RGS7: variants seen among roughly 807,000 people sequenced by gnomAD.
The protein encoded by RGS7 is regulator of G protein signaling 7, also known as regulator of G-protein signaling 7.
In RGS7, 27 loss-of-function variants were observed where a neutral mutation model predicts 81.1. The observed-to-expected ratio is 0.33, with a 90% CI of 0.25 to 0.46. The LOEUF is 0.46. Among genes scored for constraint, RGS7 ranks in the 20% least tolerant of loss-of-function variants. The pLI, the probability that RGS7 is intolerant of heterozygous loss-of-function variation, is 1.00. For synonymous variants in RGS7, 208 were observed against 207.7 expected (o/e 1.00, Z -0.01); for missense variants, 396 against 607.4 (o/e 0.65, Z 3.66).
At chr1:240,834,735 T>A (rs919495398) in intron 9 of RGS7, among the ~76,000 whole-genome samples, 1 of 152,016 alleles carries the variant, frequency 6.6e-6, no homozygotes, top group Non-Finnish European at 1.5e-5. Flanking sequence ...ATGGTCTCCA[T>A]CTCCTGACCT....
At chr1:241,039,480 T>C (rs140815341) in intron 3 of RGS7, among the ~76,000 whole-genome samples, 9 of 152,198 alleles carry the variant, frequency 5.9e-5, no homozygotes, top group African/African-American at 2.2e-4. Flanking sequence ...GTGTGTTCTA[T>C]GTGTGAGAAG....
At position 241,267,602 on chromosome 1, in the gene RGS7, C is replaced by T. The variant is rs183765039; in HGVS notation, c.78+88097G>A. ...CTCCCCCTTATTATCTCTCTCTATA[C>T]GTAGAACTTCCAGTGATCACATGCT... On this transcript the variant is annotated intron_variant, in intron 2 of 18. Transcript: ENST00000440928. 1.2e-3 allele frequency among the ~76,000 whole-genome samples: 183 copies of T among 152,228 alleles called. 1 individual carries two copies. Among genetic ancestry groups the T allele is most frequent in the Middle Eastern group, 3.4e-3 (1 of 294 alleles).
chr1:241,034,968 G>T (rs596695), intron 3 of RGS7, among the ~76,000 whole-genome samples: 1 of 151,938 alleles, frequency 6.6e-6, no homozygotes, highest in Non-Finnish European at 1.5e-5. Context: ...ACTTCTTCTC[G>T]TATTTAAGAT....
chr1:240,991,443 C>T (rs948503388), intron 3 of RGS7, among the ~76,000 whole-genome samples: 1 of 152,186 alleles, frequency 6.6e-6, no homozygotes, highest in South Asian at 2.1e-4. Flanking sequence ...ACCAGAGAAG[C>T]TTTTCCCAAG....
At chr1:241,188,701 T>C (rs377402843) in intron 2 of RGS7, among the ~76,000 whole-genome samples, 10 of 152,328 alleles carry the variant, frequency 6.6e-5, no homozygotes, top group South Asian at 2.1e-4. Context: ...AAGACTAATA[T>C]TAATTGACTT....
chr1:241,020,990 C>A (rs571556872), intron 3 of RGS7, among the ~76,000 whole-genome samples: 11 of 152,174 alleles, frequency 7.2e-5, no homozygotes, highest in African/African-American at 2.6e-4. Flanking sequence ...GAAGGGTAAT[C>A]CAGTTAATGT....
intron 2 of RGS7, among the ~76,000 whole-genome samples, chr1:241,171,720 A>C (rs1223193587): frequency 2.0e-5 from 3 of 152,186 alleles, no homozygotes; most frequent in African/African-American, 7.2e-5. Context: ...TCGGTACCCT[A>C]TCCGTGAGTG....
intron 2 of RGS7, among the ~76,000 whole-genome samples, chr1:241,242,113 T>TC (rs1488478772): frequency 2.6e-5 from 4 of 151,978 alleles, no homozygotes; most frequent in African/African-American, 9.7e-5. Context: ...CCCCACCCTT[T>TC]CCCCTGAGTC....
At chr1:240,853,321 C>T (rs1269949518) in intron 9 of RGS7, among the ~76,000 whole-genome samples, 1 of 152,116 alleles carries the variant, frequency 6.6e-6, no homozygotes, top group Non-Finnish European at 1.5e-5. Flanking sequence ...TTCAAGATAA[C>T]CAAGCATGTT....
intron 2 of RGS7, among the ~76,000 whole-genome samples, chr1:241,324,197 T>C (rs1309227351): frequency 6.6e-6 from 1 of 152,214 alleles, no homozygotes; most frequent in Non-Finnish European, 1.5e-5. Flanking sequence ...TAAATTAGCT[T>C]TAAATTTAAA....
intron 2 of RGS7, among the ~76,000 whole-genome samples, chr1:241,244,088 T>C (rs977326599): frequency 3.3e-5 from 5 of 152,120 alleles, no homozygotes; most frequent in African/African-American, 1.2e-4. Flanking sequence ...AACTGACCTA[T>C]CCAGGTACAT....
chr1:241,321,986 G>A (rs1435166705), intron 2 of RGS7, among the ~76,000 whole-genome samples: 2 of 152,094 alleles, frequency 1.3e-5, no homozygotes, highest in African/African-American at 4.8e-5. Flanking sequence ...TGTTCTCTGA[G>A]CATTCAGAGA....
intron 3 of RGS7, among the ~76,000 whole-genome samples, chr1:241,083,519 T>C (rs943156710): frequency 6.6e-6 from 1 of 152,178 alleles, no homozygotes; most frequent in East Asian, 1.9e-4. Context: ...GTAGTTATTA[T>C]GTGCAAGTTG....
At chr1:241,306,442 C>A (rs2080144405) in intron 2 of RGS7, among the ~76,000 whole-genome samples, 1 of 148,328 alleles carries the variant, frequency 6.7e-6, no homozygotes, top group Non-Finnish European at 1.5e-5. Context: ...TTACACACAC[C>A]CCCACACAGG....
chr1:240,999,534 C>A (rs1296544031), intron 3 of RGS7, among the ~76,000 whole-genome samples: 2 of 152,146 alleles, frequency 1.3e-5, no homozygotes, highest in Non-Finnish European at 2.9e-5. Flanking sequence ...TCAATCTTGA[C>A]CACTATTGAT....
At chr1:241,028,080 G>A (rs2059882747) in intron 3 of RGS7, among the ~76,000 whole-genome samples, 1 of 152,158 alleles carries the variant, frequency 6.6e-6, no homozygotes, top group Non-Finnish European at 1.5e-5. Context: ...GTTGAGTGCT[G>A]GACTTCAGAA....
intron 3 of RGS7, among the ~76,000 whole-genome samples, chr1:241,016,118 C>T (rs1250755136): frequency 6.6e-6 from 1 of 152,110 alleles, no homozygotes; most frequent in Admixed American, 6.5e-5. Flanking sequence ...GGCAGAAATC[C>T]TGTGTGGGGT....
At position 241,144,973 on chromosome 1, in the gene RGS7, A is replaced by C; in HGVS notation, c.79-46211T>G. The stretch of plus-strand genomic sequence containing the variant: ...TGTGTGTGTGTGTGTGTTCGTGTTC[A>C]TTCTTCCTGTTCCTGTTTTCCCACC... On this transcript the variant is annotated intron_variant, in intron 2 of 18. Coordinates refer to ENST00000440928, the MANE Select transcript of RGS7 (RefSeq NM_001364886.1). The surrounding 1 kb of genome is among the most constrained non-coding windows in gnomAD (Gnocchi z 4.7). Among the ~76,000 whole-genome samples, 1 of 134,800 alleles carries C rather than the reference A, an allele frequency of 7.4e-6. No homozygotes were observed. The highest frequency in any genetic ancestry group is 3.4e-5 in the African/African-American group (1 of 29,808). The allele number at this position is 134,800 out of a possible 152,430, so 88.4% of individuals were successfully genotyped here.
At chr1:241,289,182 A>C (rs2078970613) in intron 2 of RGS7, among the ~76,000 whole-genome samples, 1 of 152,168 alleles carries the variant, frequency 6.6e-6, no homozygotes, top group South Asian at 2.1e-4. Flanking sequence ...CTTAGCACAC[A>C]AGCCTTCTGT....
Sources: allele counts gnomAD v4.1 joint callset (sites outside exome capture counted in the v4.1 genomes callset), GRCh38; gene constraint gnomAD v4.1.1; non-coding constraint Gnocchi (gnomAD v3.1); transcripts MANE v1.5; gene names NCBI Gene and HGNC (gene_info 2026-07-23, HGNC 2026-07-21).